The following GRIN2B variants were observed in gnomAD, a reference collection of about 807,000 sequenced individuals.
GRIN2B encodes glutamate ionotropic receptor NMDA type subunit 2B.
A neutral mutation model predicts 114.5 loss-of-function variants in GRIN2B; 5 were observed. The observed-to-expected ratio is 0.04, with a 90% CI of 0.02 to 0.09. The LOEUF is 0.09. Ranked by LOEUF, GRIN2B falls within the 10% of genes least tolerant of loss-of-function variation. GRIN2B has a pLI of 1.00. For missense variants in GRIN2B, 1,108 were observed against 1,943.5 expected, an observed-to-expected ratio of 0.57 and a Z score of 8.08; for synonymous variants, 787 against 745.1, an observed-to-expected ratio of 1.06 and a Z score of -0.92.
At chr12:13,930,936 G>A (rs923524271) in intron 2 of GRIN2B, among the ~76,000 whole-genome samples, 4 of 152,130 alleles carry the variant, frequency 2.6e-5, no homozygotes, top group Non-Finnish European at 5.9e-5. Flanking sequence ...TCAATCAGAA[G>A]TTCAATGTGA....
chr12:13,841,365 C>G (rs1346612401), intron 3 of GRIN2B, among the ~76,000 whole-genome samples: 2 of 151,320 alleles, frequency 1.3e-5, no homozygotes, highest in East Asian at 3.9e-4. Context: ...ATTCTATTTT[C>G]TCAGATTATT....
At position 13,826,246 on chromosome 12, in the gene GRIN2B, G is replaced by A. The variant is rs551201267; in HGVS notation, c.411+39552C>T. On this transcript the variant is annotated intron_variant, in intron 3 of 13. Coordinates refer to ENST00000609686, the MANE Select transcript of GRIN2B (RefSeq NM_000834.5). ...AGCACTTTGGGAGGCCGAGGTGGGCGGATCACTTGAGGTTGGGAGTTCGAG... is the reference window on the plus strand; with the variant it reads ...AGCACTTTGGGAGGCCGAGGTGGGCAGATCACTTGAGGTTGGGAGTTCGAG... 1.2e-4 allele frequency among the ~76,000 whole-genome samples: 19 copies of A among 152,080 alleles called. No individual in the cohort carries two copies. The East Asian group carries it at 2.9e-3, about 23-fold the overall frequency.
Position 13,563,740 on chromosome 12 carries a change from G to A in GRIN2B, c.3498C>T (p.Ser1166=), listed in dbSNP as rs45600931. 7.2e-3 allele frequency: 11,682 copies of A among 1,613,862 alleles called. 60 individuals are homozygous for A. The highest frequency in any genetic ancestry group is 8.3e-3 in the Non-Finnish European group (9,776 of 1,180,022). Residue 1166 remains serine (S), a synonymous_variant, in exon 14 of 14, where the codon TCC becomes TCT. Coordinates refer to ENST00000609686, the MANE Select transcript of GRIN2B (RefSeq NM_000834.5). ...KERSDDFKRD[S]VSGGGPCTNR... ...TGGTACAGGGCCCTCCTCCGCTGACGGAGTCGCGCTTAAAGTCATCACTCC... is the reference window on the plus strand; with the variant it reads ...TGGTACAGGGCCCTCCTCCGCTGACAGAGTCGCGCTTAAAGTCATCACTCC...
intron 3 of GRIN2B, among the ~76,000 whole-genome samples, chr12:13,788,043 T>A (rs1343191505): frequency 6.6e-6 from 1 of 152,196 alleles, no homozygotes; most frequent in Non-Finnish European, 1.5e-5. Context: ...CTTTTGGGAC[T>A]GATATCCTGT....
chr12:13,721,854 G>A (rs536930452), intron 4 of GRIN2B, among the ~76,000 whole-genome samples: 25 of 152,202 alleles, frequency 1.6e-4, no homozygotes, highest in East Asian at 5.8e-4. Context: ...CCTTTGGGCC[G>A]CGAACATTTA....
chr12:13,912,065 C>A (rs1042053648), intron 2 of GRIN2B, among the ~76,000 whole-genome samples: 1 of 152,078 alleles, frequency 6.6e-6, no homozygotes, highest in Non-Finnish European at 1.5e-5. Context: ...AGCAACTGCA[C>A]CTTACACAGG....
chr12:13,661,752 G>T (rs1004502029), intron 5 of GRIN2B, among the ~76,000 whole-genome samples: 3 of 152,162 alleles, frequency 2.0e-5, no homozygotes, highest in African/African-American at 7.2e-5. Context: ...ACCAAAGGCG[G>T]CCCCGCAGAA....
chr12:13,763,111 G>C (rs143651102), intron 3 of GRIN2B, among the ~76,000 whole-genome samples: 86 of 151,384 alleles, frequency 5.7e-4, no homozygotes, highest in Non-Finnish European at 9.3e-4. Flanking sequence ...AAATTGCACA[G>C]AGACAGATTA....
At chr12:13,647,234 G>T (rs754273690) in intron 5 of GRIN2B, among the ~76,000 whole-genome samples, 23 of 152,072 alleles carry the variant, frequency 1.5e-4, no homozygotes, top group Non-Finnish European at 2.6e-4. Flanking sequence ...AATTTATTAT[G>T]CAGCAATAGA....
Position 13,753,979 on chromosome 12 carries a change from G to T in GRIN2B, c.412-64C>A. ...AAATCAAACCAAAGATGGTAATGGA[G>T]ATTTTGAACCAAGTGGGTACAAAGA... On this transcript the variant is annotated intron_variant, in intron 3 of 13. Coordinates refer to ENST00000609686, the MANE Select transcript of GRIN2B (RefSeq NM_000834.5). This position sits in a 1 kb window ranked among gnomAD's most constrained non-coding sequence, Gnocchi z 6.2. 9.9e-7 allele frequency: 1 copy of T among 1,013,406 alleles called. No homozygotes were observed. Among genetic ancestry groups the T allele is most frequent in the Non-Finnish European group, 1.6e-6 (1 of 642,090 alleles). The allele number at this position is 1,013,406 out of a possible 1,614,324, so 62.8% of individuals were successfully genotyped here. A position where few individuals can be genotyped will look rare whatever the true frequency, so the allele number is the denominator to read the frequency against.
At chr12:13,618,022 A>G (rs1174421083) in intron 5 of GRIN2B, among the ~76,000 whole-genome samples, 1 of 152,216 alleles carries the variant, frequency 6.6e-6, no homozygotes, top group African/African-American at 2.4e-5. Context: ...TTTCAAGGGT[A>G]TAAATGATGT....
chr12:13,663,907 A>G (rs1193399197), intron 5 of GRIN2B, among the ~76,000 whole-genome samples: 1 of 152,222 alleles, frequency 6.6e-6, no homozygotes, highest in Non-Finnish European at 1.5e-5. Context: ...CACTTGCTAC[A>G]TGTCAGATAT....
At chr12:13,814,002 G>A (rs1864777124) in intron 3 of GRIN2B, among the ~76,000 whole-genome samples, 1 of 152,292 alleles carries the variant, frequency 6.6e-6, no homozygotes, top group Non-Finnish European at 1.5e-5. Flanking sequence ...TGACTCAGAG[G>A]TGAAAATGAT....
intron 11 of GRIN2B, among the ~76,000 whole-genome samples, chr12:13,570,454 T>C (rs868338499): frequency 1.4e-4 from 21 of 152,308 alleles, no homozygotes; most frequent in Middle Eastern, 6.8e-3. Context: ...TGTGTTTCAA[T>C]AGATGTGCAA....
intron 3 of GRIN2B, among the ~76,000 whole-genome samples, chr12:13,844,012 A>G (rs911586696): frequency 1.8e-4 from 27 of 152,234 alleles, no homozygotes; most frequent in African/African-American, 6.5e-4. Flanking sequence ...CCTCAGTGAG[A>G]GTCCCTTGCC....
At chr12:13,943,207 G>A (rs1867293418) in intron 2 of GRIN2B, among the ~76,000 whole-genome samples, 1 of 152,096 alleles carries the variant, frequency 6.6e-6, no homozygotes, top group Non-Finnish European at 1.5e-5. Context: ...CCCATAGGTG[G>A]ATCTTCTTAT....
chr12:13,707,464 AG>A (rs1393514801), intron 4 of GRIN2B, among the ~76,000 whole-genome samples: 1 of 152,158 alleles, frequency 6.6e-6, no homozygotes, highest in Non-Finnish European at 1.5e-5. Context: ...AGATACTCAT[AG>A]AGATGCCCAT....
chr12:13,843,297 A>C (rs1251957087), intron 3 of GRIN2B, among the ~76,000 whole-genome samples: 8 of 151,810 alleles, frequency 5.3e-5, no homozygotes, highest in African/African-American at 1.2e-4. Context: ...TTGACATCTG[A>C]TTGCTGATTA....
rs193119251 is a variant in GRIN2B, at chr12:13,945,334, T to C, written c.-19+34594A>G. 9.4e-4 allele frequency among the ~76,000 whole-genome samples: 143 copies of C among 152,270 alleles called. 2 individuals carry two copies. The Middle Eastern group carries it at 0.01, about 11-fold the overall frequency. On this transcript the variant is annotated intron_variant, in intron 2 of 13. Transcript: ENST00000609686. ...TAAGCATTTTTATGAGGTGTTACAA[T>C]GTTTTAACTAACCTACACCTCCTTC...
Sources: allele counts gnomAD v4.1 joint callset (sites outside exome capture counted in the v4.1 genomes callset), GRCh38; gene constraint gnomAD v4.1.1; non-coding constraint Gnocchi (gnomAD v3.1); transcripts MANE v1.5; gene names NCBI Gene and HGNC (gene_info 2026-07-23, HGNC 2026-07-21).